The following SLC13A3 variants were observed in gnomAD, a reference collection of about 807,000 sequenced individuals.
SLC13A3 encodes the protein Na(+)/dicarboxylate cotransporter 3.
SLC13A3 carries 40 observed loss-of-function variants against 59.0 expected under a neutral mutation model. The observed-to-expected ratio is 0.68, with a 90% CI of 0.53 to 0.88. The LOEUF (loss-of-function observed/expected upper bound fraction) is 0.88. Ranked by LOEUF, SLC13A3 falls within the 40% of genes least tolerant of loss-of-function variation. The probability of loss-of-function intolerance (pLI) is 0.00; values close to 1 mark genes in which losing one functional copy is unlikely to be tolerated. For missense variants in SLC13A3, 699 were observed against 783.2 expected, an observed-to-expected ratio of 0.89 and a Z score of 1.28; for synonymous variants, 317 against 330.3, an observed-to-expected ratio of 0.96 and a Z score of 0.44.
At chr20:46,661,898 G>T (rs913128190) in intron 1 of SLC13A3, among the ~76,000 whole-genome samples, 9 of 152,026 alleles carry the variant, frequency 5.9e-5, no homozygotes, top group African/African-American at 2.2e-4. Context: ...TGCTTTCAGG[G>T]GAATCCTTCT....
At chr20:46,636,735 C>T (rs934428622) in intron 1 of SLC13A3, among the ~76,000 whole-genome samples, 19 of 152,278 alleles carry the variant, frequency 1.2e-4, no homozygotes, top group African/African-American at 3.8e-4. Flanking sequence ...CTGGATCATC[C>T]GAGCCCACAT....
Position 46,651,315 on chromosome 20 carries a change from G to A in SLC13A3, c.107C>T (p.Pro36Leu), listed in dbSNP as rs1309240601. ...ALLPVVFALP[P>L]KEGRCLFVIL... ...CACAGGCGGAGGAGGCGTTACCTTG[G>A]GCGGGAGGGCGAAGACCACCGGCAG... The change falls in exon 1 of 13, where the codon CCC (proline) becomes CTC (leucine). Residue 36 changes from proline to leucine, a missense_variant. Coordinates refer to ENST00000279027, the MANE Select transcript of SLC13A3 (RefSeq NM_022829.6). The A allele has an allele frequency of 1.3e-6, 2 of 1,507,310 alleles. No individual in the cohort carries two copies. Among genetic ancestry groups the A allele is most frequent in the Admixed American group, 2.2e-5 (1 of 45,978 alleles). The allele number at this position is 1,507,310 out of a possible 1,614,324, so 93.4% of individuals were successfully genotyped here. A position where few individuals can be genotyped will look rare whatever the true frequency, so the allele number is the denominator to read the frequency against.
chr20:46,643,479 T>C (rs1294204256), intron 1 of SLC13A3, among the ~76,000 whole-genome samples: 1 of 152,094 alleles, frequency 6.6e-6, no homozygotes, highest in Non-Finnish European at 1.5e-5. Flanking sequence ...GGTCCTGGGA[T>C]GAGAGCAAGC....
At chr20:46,615,725 G>A (rs1020480239) in intron 1 of SLC13A3, among the ~76,000 whole-genome samples, 9 of 152,242 alleles carry the variant, frequency 5.9e-5, no homozygotes, top group Non-Finnish European at 5.9e-5. Context: ...AACACATCCC[G>A]AGACTCTGCT....
intron 9 of SLC13A3, chr20:46,583,290 T>A: frequency 2.5e-6 from 2 of 815,730 alleles, no homozygotes; most frequent in East Asian, 1.1e-4. Context: ...TTGGTTTTTT[T>A]TTCAACCATT....
rs369538761 is a variant in SLC13A3 at position 46,596,148 on chromosome 20, C to T, written c.794+9G>A. The T allele has an allele frequency of 1.7e-5, 28 of 1,611,322 alleles. No homozygotes were observed. In the East Asian group the frequency reaches 4.5e-4, roughly 26 times the overall value. On this transcript the variant is annotated intron_variant, in intron 5 of 12. Transcript: ENST00000279027. The stretch of plus-strand genomic sequence containing the variant: ...AACCCTCCCCGCCGGTGGGGACTCT[C>T]GCTTTCACCTCTTGAGCTGGCCAAG...
intron 3 of SLC13A3, among the ~76,000 whole-genome samples, chr20:46,607,423 T>A (rs2062446755): frequency 6.6e-6 from 1 of 152,194 alleles, no homozygotes; most frequent in African/African-American, 2.4e-5. Context: ...AGCTCAGAAC[T>A]GGATGAAAGG....
chr20:46,617,671 A>C (rs1313551626), intron 1 of SLC13A3, among the ~76,000 whole-genome samples: 1 of 152,028 alleles, frequency 6.6e-6, no homozygotes, highest in Non-Finnish European at 1.5e-5. Flanking sequence ...GAATTCCTAA[A>C]AATTTGACAA....
At chr20:46,617,955 C>T (rs1379619197) in intron 1 of SLC13A3, among the ~76,000 whole-genome samples, 1 of 152,170 alleles carries the variant, frequency 6.6e-6, no homozygotes, top group Non-Finnish European at 1.5e-5. Context: ...ACAGGTATCC[C>T]AATTTGTAAA....
At chr20:46,575,177 T>C (rs2062063120) in intron 10 of SLC13A3, among the ~76,000 whole-genome samples, 1 of 152,144 alleles carries the variant, frequency 6.6e-6, no homozygotes, top group Non-Finnish European at 1.5e-5. Flanking sequence ...AGGGTCTCAC[T>C]ATATTGCCCA....
chr20:46,677,426 A>G (rs182670819), intron 1 of SLC13A3, among the ~76,000 whole-genome samples: 1 of 152,126 alleles, frequency 6.6e-6, no homozygotes, highest in Admixed American at 6.5e-5. Context: ...TTTTAATTAT[A>G]TTTTGAAAGT....
intron 1 of SLC13A3, among the ~76,000 whole-genome samples, chr20:46,630,532 C>T (rs2062726320): frequency 6.6e-6 from 1 of 152,220 alleles, no homozygotes; most frequent in African/African-American, 2.4e-5. Context: ...ATTGTCAGCT[C>T]TTCTTCATAT....
Position 46,621,559 on chromosome 20 carries a change from C to T in SLC13A3, c.112-7834G>A, listed in dbSNP as rs546752115. On this transcript the variant is annotated intron_variant, in intron 1 of 12. Transcript: ENST00000279027. ...TCTTTTAATTCCATTTTTTCATGAA[C>T]TTTTTGAAGTCCTCTCATCTTATAG... is the stretch of plus-strand genomic sequence containing the variant. Among the ~76,000 whole-genome samples, 46 of 152,172 alleles carry T rather than the reference C, an allele frequency of 3.0e-4. No homozygotes were observed. In the South Asian group the frequency reaches 9.3e-3, roughly 31 times the overall value.
intron 9 of SLC13A3, among the ~76,000 whole-genome samples, chr20:46,581,446 G>A (rs1220317438): frequency 1.3e-5 from 2 of 152,212 alleles, no homozygotes; most frequent in African/African-American, 4.8e-5. Flanking sequence ...GACCCACTGG[G>A]CAAAGAGAAG....
At chr20:46,661,904 C>T (rs2063032703) in intron 1 of SLC13A3, among the ~76,000 whole-genome samples, 1 of 152,128 alleles carries the variant, frequency 6.6e-6, no homozygotes. Flanking sequence ...CAGGGGAATC[C>T]TTCTTATCCC....
intron 11 of SLC13A3, 66 bp downstream of exon 11, chr20:46,566,163 C>G (rs945227469): frequency 2.9e-6 from 4 of 1,391,590 alleles, no homozygotes; most frequent in African/African-American, 1.4e-5. Context: ...GGTCCCTTGG[C>G]GGGGGAAGAT....
intron 12 of SLC13A3, 29 bp from the exon 13 acceptor site, chr20:46,560,227 G>T (rs2061919588): frequency 1.2e-6 from 2 of 1,608,284 alleles, no homozygotes; most frequent in Non-Finnish European, 1.7e-6. Flanking sequence ...AGAGGGAGGG[G>T]TCAGCACCTG....
chr20:46,618,208 A>G (rs559600992), intron 1 of SLC13A3, among the ~76,000 whole-genome samples: 12 of 151,246 alleles, frequency 7.9e-5, no homozygotes, highest in African/African-American at 3.0e-4. Context: ...AGATTCCTAG[A>G]CTGTAGTCCA....
chr20:46,661,458 C>T (rs1055356662), intron 1 of SLC13A3, among the ~76,000 whole-genome samples: 1 of 152,206 alleles, frequency 6.6e-6, no homozygotes, highest in Non-Finnish European at 1.5e-5. Context: ...ACTTTTCCTT[C>T]AGCAGATCTG....
Sources: gnomAD v4.1 joint callset for allele counts (sites outside exome capture counted in the v4.1 genomes callset) on GRCh38, gnomAD v4.1.1 for gene constraint, MANE v1.5 for transcripts, NCBI Gene and HGNC (gene_info 2026-07-23, HGNC 2026-07-21) for gene names.